The following NEURL4 variants were observed in gnomAD, a reference collection of about 807,000 sequenced individuals.
NEURL4 encodes the protein neuralized E3 ubiquitin protein ligase 4, also known as neuralized-like protein 4.
Under a neutral mutation model 148.0 loss-of-function variants are expected in NEURL4, and 45 were observed. The ratio of observed to expected loss-of-function variants is 0.30; its 90% CI spans 0.24 to 0.39. The LOEUF (loss-of-function observed/expected upper bound fraction) is 0.39, where lower values mean the gene tolerates loss of function less well. NEURL4 is among the 10% of genes least tolerant of loss of function. The probability of loss-of-function intolerance (pLI) is 1.00; values close to 1 mark genes in which losing one functional copy is unlikely to be tolerated. For synonymous variants in NEURL4, 854 were observed against 869.0 expected, an observed-to-expected ratio of 0.98 and a Z score of 0.30; for missense variants, 1,776 against 2,144.0, an observed-to-expected ratio of 0.83 and a Z score of 3.39.
intron 21 of NEURL4, 98 bp downstream of exon 21, chr17:7,320,661 G>C (rs936480092): frequency 1.8e-6 from 2 of 1,136,748 alleles, no homozygotes; most frequent in Non-Finnish European, 1.3e-6. Flanking sequence ...CAAGTGGCTT[G>C]CTTTCTTTTT....
chr17:7,320,368 C>G (rs2073015023), intron 21 of NEURL4, among the ~76,000 whole-genome samples: 1 of 152,100 alleles, frequency 6.6e-6, no homozygotes, highest in Non-Finnish European at 1.5e-5. Context: ...CTCGTGAGCT[C>G]AAGCGATCCG....
rs2143011666 is a variant in NEURL4 at position 7,319,140 on chromosome 17, A to G, written c.3594T>C (p.Pro1198=). Residue 1198 remains proline, a synonymous_variant, in exon 22 of 29, where the codon CCT becomes CCC. Coordinates refer to ENST00000399464, the MANE Select transcript of NEURL4 (RefSeq NM_032442.3). ...CAGAAGCAGGGAAGTTGAGCCTCTC[A>G]GGCGCGCAGGTGATGACTCCCAGGA... ...SLVLGVITCA[P]ERLNFPASAC... is the part of the protein sequence containing the mutation. 2 of 1,614,094 alleles carry G rather than the reference A, an allele frequency of 1.2e-6. No individual in the cohort carries two copies. The highest frequency in any genetic ancestry group is 1.7e-6 in the Non-Finnish European group (2 of 1,179,996).
chr17:7,327,820 A>G lies in NEURL4; in HGVS notation c.347T>C (p.Phe116Ser). The change falls in exon 2 of 29, where the codon TTT (phenylalanine) becomes TCT (serine). Residue 116 changes from phenylalanine to serine, a missense_variant. By Grantham distance (155) the Phe-to-Ser change is radical. Transcript: ENST00000399464. This position sits in a 1 kb window ranked among gnomAD's most constrained non-coding sequence, Gnocchi z 6.6. Reference protein sequence around the residue: ...VTALDPSVLDFPSSATGLKGG... With the variant: ...VTALDPSVLDSPSSATGLKGG... ...CTTCAGGCCCGTGGCACTGCTTGGAAAGTCCAGCACACTGGGGTCCAGCGC... is the reference window on the plus strand; with the variant it reads ...CTTCAGGCCCGTGGCACTGCTTGGAGAGTCCAGCACACTGGGGTCCAGCGC... 1.2e-6 allele frequency: 2 copies of G among 1,613,838 alleles called. No individual in the cohort carries two copies. Among genetic ancestry groups the G allele is most frequent in the Non-Finnish European group, 1.7e-6 (2 of 1,180,000 alleles).
At position 7,324,850 on chromosome 17, in the gene NEURL4, G is replaced by C. The variant is rs760780745; in HGVS notation, c.1762C>G (p.His588Asp). Residue 588 changes from histidine to aspartate, a missense_variant, in exon 9 of 29, where the codon CAC becomes GAC. Coordinates refer to ENST00000399464, the MANE Select transcript of NEURL4 (RefSeq NM_032442.3). The surrounding 1 kb of genome is among the most constrained non-coding windows in gnomAD (Gnocchi z 5.9). ...AGSIEIGVTT[H>D]NPAYLQLPST... ...GGCAACTGGAGGTAGGCAGGGTTGT[G>C]GGTGGTGACACCAATTTCAATGGAG... The C allele has an allele frequency of 8.1e-6, 13 of 1,614,198 alleles. No homozygotes were observed. Among genetic ancestry groups the C allele is most frequent in the Non-Finnish European group, 1.1e-5 (13 of 1,180,034 alleles).
intron 21 of NEURL4, among the ~76,000 whole-genome samples, chr17:7,319,860 CGCTCTGTTGCCCAG>C (rs2073006752): frequency 1.3e-5 from 2 of 151,718 alleles, no homozygotes; most frequent in Admixed American, 1.3e-4. Flanking sequence ...GACGGAGTCT[CGCTCTGTTGCCCAG>C]GCTGGAGTGC....
rs969101064 is a variant in NEURL4, at chr17:7,327,408, C to T, written c.727+32G>A. The T allele has an allele frequency of 3.3e-6, 5 of 1,517,954 alleles. No homozygotes were observed. In the African/African-American group the frequency reaches 5.5e-5, roughly 17 times the overall value. 94.0% of individuals were successfully genotyped at this position (1,517,954 alleles called of 1,614,324 possible). On this transcript the variant is annotated intron_variant, in intron 2 of 28. Coordinates refer to ENST00000399464, the MANE Select transcript of NEURL4 (RefSeq NM_032442.3). The surrounding 1 kb of genome is among the most constrained non-coding windows in gnomAD (Gnocchi z 6.6). ...CTCTATTTCCCCCATTCCGTCCCCA[C>T]CCCACCACCACTGCCCTAGCTGTGT... is the stretch of plus-strand genomic sequence containing the variant.
rs936426446 is a variant in NEURL4, at chr17:7,315,994, C to A, written c.*129G>T. The A allele has an allele frequency of 5.9e-6, 4 of 674,820 alleles. No homozygotes were observed. In the African/African-American group the frequency reaches 7.1e-5, roughly 12 times the overall value. The allele number at this position is 674,820 out of a possible 1,614,324, so 41.8% of individuals were successfully genotyped here. ...CTACATCTGAGAGCCTGCCTACATGCTCCTGCGCGGCTGCCAAGCTCCAGC... is the reference window on the plus strand; with the variant it reads ...CTACATCTGAGAGCCTGCCTACATGATCCTGCGCGGCTGCCAAGCTCCAGC... On this transcript the variant is annotated 3_prime_UTR_variant, in exon 29 of 29. Transcript: ENST00000399464.
chr17:7,317,008 G>A (rs967715214), intron 28 of NEURL4, among the ~76,000 whole-genome samples, 197 bp downstream of exon 28: 4 of 152,156 alleles, frequency 2.6e-5, no homozygotes, highest in African/African-American at 4.8e-5. Flanking sequence ...CAAGAGCAAG[G>A]TTCCTTTTTT....
chr17:7,316,653 G>A (rs1169686773), intron 28 of NEURL4, among the ~76,000 whole-genome samples: 1 of 152,210 alleles, frequency 6.6e-6, no homozygotes, highest in Admixed American at 6.5e-5. Context: ...CTGGCGGGGC[G>A]CGGTGGCTCA....
rs2073076762 is a variant in NEURL4, at chr17:7,324,590, T to C, written c.1814-110A>G. ...GCCCACAGTCCACCTTGCCTTTTCT[T>C]TGATGACTAGATTTCTTCCCTGAGC... On this transcript the variant is annotated intron_variant, in intron 9 of 28. Transcript: ENST00000399464. This position sits in a 1 kb window ranked among gnomAD's most constrained non-coding sequence, Gnocchi z 5.9. 8.6e-7 allele frequency: 1 copy of C among 1,162,552 alleles called. No individual in the cohort carries two copies. Among genetic ancestry groups the C allele is most frequent in the Admixed American group, 2.0e-5 (1 of 49,124 alleles). 72.0% of individuals were successfully genotyped at this position (1,162,552 alleles called of 1,614,324 possible).
Position 7,320,806 on chromosome 17 carries a change from CCT to C in NEURL4, c.3476_3477del (p.Gln1159ArgfsTer40), listed in dbSNP as rs765808851. On this transcript the variant is annotated frameshift_variant, in exon 21 of 29. Coordinates refer to ENST00000399464, the MANE Select transcript of NEURL4 (RefSeq NM_032442.3). LOFTEE classifies it high-confidence loss of function. ...AGAGGTTGGTTGATGACAACGATGC[CCT>C]GATTGTAGCTGGCCACCCGTGTGGC... ...RTATRVASYNQGIVVINQPLV... is the reference protein window; with the variant it reads ...RTATRVASYNXGIVVINQPLV... 1.2e-6 allele frequency: 2 copies of C among 1,614,070 alleles called. No homozygotes were observed. Among genetic ancestry groups the C allele is most frequent in the Non-Finnish European group, 1.7e-6 (2 of 1,180,018 alleles).
Position 7,318,690 on chromosome 17 carries a change from G to A in NEURL4, c.3685-16C>T, listed in dbSNP as rs200344128. The A allele has an allele frequency of 6.9e-5, 110 of 1,593,150 alleles. No individual in the cohort carries two copies. Among genetic ancestry groups the A allele is most frequent in the Non-Finnish European group, 2.5e-5 (29 of 1,168,212 alleles). On this transcript the variant is annotated splice_polypyrimidine_tract_variant and intron_variant, in intron 22 of 28. Coordinates refer to ENST00000399464, the MANE Select transcript of NEURL4 (RefSeq NM_032442.3). This position sits in a 1 kb window ranked among gnomAD's most constrained non-coding sequence, Gnocchi z 4.3. ...TCTCGCAGATCTGGGAGGAGAGACC[G>A]GCTGTCTTCCAGAGGTCAGACTCCA...
chr17:7,320,951 A>C, intron 20 of NEURL4, 28 bp from the exon 21 acceptor site: 1 of 1,612,338 alleles, frequency 6.2e-7, no homozygotes, highest in Admixed American at 1.7e-5. Flanking sequence ...ACTGAGCTGC[A>C]TGGGTTGCCA....
Position 7,327,482 on chromosome 17 carries a change from C to G in NEURL4, c.685G>C (p.Glu229Gln). 3 of 1,577,550 alleles carry G rather than the reference C, an allele frequency of 1.9e-6. No individual in the cohort carries two copies. Among genetic ancestry groups the G allele is most frequent in the Non-Finnish European group, 2.6e-6 (3 of 1,159,472 alleles). Residue 229 changes from glutamate (E) to glutamine (Q), a missense_variant, in exon 2 of 29, where the codon GAA (glutamate) becomes CAA (glutamine). By Grantham distance (29) the Glu-to-Gln change is conservative (BLOSUM62 2). Coordinates refer to ENST00000399464, the MANE Select transcript of NEURL4 (RefSeq NM_032442.3). This position sits in a 1 kb window ranked among gnomAD's most constrained non-coding sequence, Gnocchi z 6.6. ...CCCTGTTCAGCCAAGGCAGAGTCTT[C>G]AGTGGGGGCCAAGGGCTCGAGGGGA... ...TPPLEPLAPT[E>Q]DSALAEQGTS...
At position 7,325,463 on chromosome 17, in the gene NEURL4, G is replaced by A. The variant is rs762801588; in HGVS notation, c.1377C>T (p.Thr459=). 7 of 1,611,316 alleles carry A rather than the reference G, an allele frequency of 4.3e-6. No individual in the cohort carries two copies. The highest frequency in any genetic ancestry group is 5.9e-6 in the Non-Finnish European group (7 of 1,179,794). The change falls in exon 8 of 29, where the codon ACC becomes ACT. Residue 459 remains threonine, a synonymous_variant. Coordinates refer to ENST00000399464, the MANE Select transcript of NEURL4 (RefSeq NM_032442.3). ...FINGIDQGVA[T]PLTPPVVYGV... The stretch of plus-strand genomic sequence containing the variant: ...CATACACCACTGGGGGCGTCAAGGG[G>A]GTTGCCACTCCTGTGGCAGGAAGGT...
chr17:7,324,765 C>T lies in NEURL4; in HGVS notation c.1813+34G>A. On this transcript the variant is annotated intron_variant, in intron 9 of 28. Transcript: ENST00000399464. This position sits in a 1 kb window ranked among gnomAD's most constrained non-coding sequence, Gnocchi z 5.9. Reference sequence around the variant, plus strand: ...CTTTGGGGATAGCTTCCCCCCAAAACCCTATCCTGTCCCTGCCCTTCCTGG... The same window carrying T: ...CTTTGGGGATAGCTTCCCCCCAAAATCCTATCCTGTCCCTGCCCTTCCTGG... 1.9e-6 allele frequency: 3 copies of T among 1,611,610 alleles called. No individual in the cohort carries two copies. The highest frequency in any genetic ancestry group is 2.5e-6 in the Non-Finnish European group (3 of 1,177,964).
At chr17:7,320,731 A>C in intron 21 of NEURL4, 28 bp downstream of exon 21, 2 of 1,599,502 alleles carry the variant, frequency 1.3e-6, no homozygotes, top group East Asian at 4.5e-5. Flanking sequence ...GGAGCGAGAG[A>C]AGCTGGGGAT....
At position 7,320,894 on chromosome 17, in the gene NEURL4, G is replaced by C; in HGVS notation, c.3390C>G (p.Thr1130=). 6.2e-7 allele frequency: 1 copy of C among 1,614,012 alleles called. No individual in the cohort carries two copies. The highest frequency in any genetic ancestry group is 8.5e-7 in the Non-Finnish European group (1 of 1,179,974). ...CATGGTTCTCCAGGAACTCGAGGGTGGTGGGTATAATACCCACTTCATTCT... is the reference window on the plus strand; with the variant it reads ...CATGGTTCTCCAGGAACTCGAGGGTCGTGGGTATAATACCCACTTCATTCT... ...GGQNEVGIIP[T]TLEFLENHGK... The change falls in exon 21 of 29, where the codon ACC becomes ACG. Residue 1130 remains threonine (T), a synonymous_variant. Coordinates refer to ENST00000399464, the MANE Select transcript of NEURL4 (RefSeq NM_032442.3).
chr17:7,323,425 T>A (rs1316162290), intron 14 of NEURL4, 60 bp downstream of exon 14: 1 of 1,568,228 alleles, frequency 6.4e-7, no homozygotes, highest in Non-Finnish European at 8.8e-7. Flanking sequence ...AAACCTTGCT[T>A]CCCTGATCCC....
Sources: allele counts gnomAD v4.1 joint callset (sites outside exome capture counted in the v4.1 genomes callset), GRCh38; gene constraint gnomAD v4.1.1; non-coding constraint Gnocchi (gnomAD v3.1); transcripts MANE v1.5; gene names NCBI Gene and HGNC (gene_info 2026-07-23, HGNC 2026-07-21).